EDN3: variants seen among roughly 807,000 people sequenced by gnomAD.
EDN3 encodes endothelin-3.
In EDN3, 9 loss-of-function variants were observed where a neutral mutation model predicts 21.4. That is an observed-to-expected ratio of 0.42 (90% CI 0.25 to 0.73). EDN3 has a LOEUF of 0.73. Among genes scored for constraint, EDN3 ranks in the 30% least tolerant of loss-of-function variants. The pLI is 0.26. For missense variants in EDN3, 327 were observed against 309.4 expected, an observed-to-expected ratio of 1.06 and a Z score of -0.43; for synonymous variants, 133 against 126.2, an observed-to-expected ratio of 1.05 and a Z score of -0.36.
chr20:59,309,984 C>T (rs1301789925), intron 2 of EDN3, among the ~76,000 whole-genome samples: 1 of 152,004 alleles, frequency 6.6e-6, no homozygotes, highest in Admixed American at 6.6e-5. Context: ...CCTGTGTGAC[C>T]CCGAGGGAGA....
chr20:59,301,757 C>T, intron 2 of EDN3, 35 bp downstream of exon 2: 2 of 1,608,370 alleles, frequency 1.2e-6, no homozygotes, highest in Non-Finnish European at 1.7e-6. Context: ...AACGTGGCTC[C>T]CGGACCAGGC....
chr20:59,323,832 T>C (rs1451319160), intron 4 of EDN3: 1 of 462,502 alleles, frequency 2.2e-6, no homozygotes, highest in Non-Finnish European at 3.8e-6. Context: ...TGGTGATTAT[T>C]ACTGTTCTAT....
At chr20:59,304,649 A>G (rs1264090023) in intron 2 of EDN3, among the ~76,000 whole-genome samples, 1 of 152,102 alleles carries the variant, frequency 6.6e-6, no homozygotes, top group Non-Finnish European at 1.5e-5. Flanking sequence ...CGAGGATCTG[A>G]GATGCTGCAG....
Position 59,301,451 on chromosome 20 carries a change from GGCGTGTCC to G in EDN3, c.95_102del (p.Gly32AlafsTer9). On this transcript the variant is annotated frameshift_variant, in exon 2 of 5. Coordinates refer to ENST00000337938, the MANE Select transcript of EDN3 (RefSeq NM_207034.3). LOFTEE classifies it high-confidence loss of function. ...CCAGTCTGGGGATGCTGGCAGGCGC[GGCGTGTCC>G]CAGGCCCCCACTGCAGCCAGATCTG... is the stretch of plus-strand genomic sequence containing the variant. The G allele has an allele frequency of 3.1e-6, 5 of 1,613,202 alleles. No individual in the cohort carries two copies. The highest frequency in any genetic ancestry group is 1.7e-6 in the Non-Finnish European group (2 of 1,180,014).
Position 59,325,411 on chromosome 20 carries a change from C to T in EDN3, c.*952C>T, listed in dbSNP as rs1160519547. ...CAAAATCTCTTTCAGCTGCGCTCTTCCCACCGAGCCGAGCTTACTGTGAGT... is the reference window on the plus strand; with the variant it reads ...CAAAATCTCTTTCAGCTGCGCTCTTTCCACCGAGCCGAGCTTACTGTGAGT... On this transcript the variant is annotated 3_prime_UTR_variant, in exon 5 of 5. Coordinates refer to ENST00000337938, the MANE Select transcript of EDN3 (RefSeq NM_207034.3). The T allele has an allele frequency of 1.3e-5, 2 of 152,394 alleles. No homozygotes were observed. The highest frequency in any genetic ancestry group is 6.5e-5 in the Admixed American group (1 of 15,280). The allele number at this position is 152,394 out of a possible 1,614,324, so 9.4% of individuals were successfully genotyped here.
At chr20:59,311,846 C>T (rs1033580067) in intron 2 of EDN3, among the ~76,000 whole-genome samples, 2 of 152,106 alleles carry the variant, frequency 1.3e-5, no homozygotes, top group East Asian at 1.9e-4. Context: ...ACCAAAAGGG[C>T]ATTACACAAG....
chr20:59,311,858 A>G (rs185095444), intron 2 of EDN3, among the ~76,000 whole-genome samples: 1 of 152,282 alleles, frequency 6.6e-6, no homozygotes, highest in African/African-American at 2.4e-5. Context: ...TTACACAAGG[A>G]CACAGACAAT....
intron 2 of EDN3, among the ~76,000 whole-genome samples, chr20:59,316,676 G>T (rs1210689621): frequency 2.4e-4 from 37 of 152,238 alleles, no homozygotes; most frequent in Admixed American, 2.4e-3. Flanking sequence ...GATGAAGAAT[G>T]AATATGAGAG....
At chr20:59,309,087 C>T (rs1989626508) in intron 2 of EDN3, among the ~76,000 whole-genome samples, 1 of 152,204 alleles carries the variant, frequency 6.6e-6, no homozygotes. Flanking sequence ...TCCAGCCCCT[C>T]CTTTCTGCTT....
At position 59,324,331 on chromosome 20, in the gene EDN3, G is replaced by T; in HGVS notation, c.589G>T (p.Val197Phe). 6.2e-7 allele frequency: 1 copy of T among 1,613,992 alleles called. No individual in the cohort carries two copies. The highest frequency in any genetic ancestry group is 2.2e-5 in the East Asian group (1 of 44,872). The change falls in exon 5 of 5, where the codon GTT becomes TTT. Residue 197 changes from valine (V) to phenylalanine (F), a missense_variant and splice_region_variant. Physicochemically the swap from Val to Phe is conservative, Grantham distance 50 (BLOSUM62 -1). Coordinates refer to ENST00000337938, the MANE Select transcript of EDN3 (RefSeq NM_207034.3). ...CTTTTGCCCCCTTTCCCCAAGACAG[G>T]TTGAAGTCAAGGACCAACAAAGCAA... is the stretch of plus-strand genomic sequence containing the variant. ...EKTDKEEEGK[V>F]EVKDQQSKQA...
At chr20:59,302,106 A>G (rs1421062330) in intron 2 of EDN3, among the ~76,000 whole-genome samples, 2 of 152,140 alleles carry the variant, frequency 1.3e-5, no homozygotes, top group African/African-American at 4.8e-5. Context: ...GCTCATACTC[A>G]CTGTTGACCC....
At position 59,321,105 on chromosome 20, in the gene EDN3, T is replaced by C. The variant is rs1480506830; in HGVS notation, c.454T>C (p.Ser152Pro). 10 of 1,614,196 alleles carry C rather than the reference T, an allele frequency of 6.2e-6. No homozygotes were observed. The highest frequency in any genetic ancestry group is 8.5e-6 in the Non-Finnish European group (10 of 1,180,034). ...GCCACTTCCAGGGAATCTGCAGCTC[T>C]CACATCGGCCACACTTGCGCTGCGC... ...AGPLPGNLQL[S>P]HRPHLRCACV... Residue 152 changes from serine (S) to proline (P), a missense_variant, in exon 3 of 5, where the codon TCA becomes CCA. Coordinates refer to ENST00000337938, the MANE Select transcript of EDN3 (RefSeq NM_207034.3).
In EDN3 at chr20:59,301,584, C is replaced by T. The variant is rs1437757345; in HGVS notation, c.227C>T (p.Pro76Leu). 1 of 1,613,966 alleles carries T rather than the reference C, an allele frequency of 6.2e-7. No individual in the cohort carries two copies. Among genetic ancestry groups the T allele is most frequent in the South Asian group, 1.1e-5 (1 of 91,082 alleles). ...VAPTALQGPS[P>L]GSPGQEQAAE... The stretch of plus-strand genomic sequence containing the variant: ...CCGACAGCACTGCAGGGTCCAAGCC[C>T]TGGAAGCCCTGGGCAGGAGCAGGCG... The change falls in exon 2 of 5, where the codon CCT becomes CTT. Residue 76 changes from proline to leucine, a missense_variant. Transcript: ENST00000337938.
intron 2 of EDN3, among the ~76,000 whole-genome samples, chr20:59,318,692 C>CT (rs1423267153): frequency 6.6e-6 from 1 of 152,248 alleles, no homozygotes; most frequent in Non-Finnish European, 1.5e-5. Context: ...CACACCAGCA[C>CT]TTTACCGCGC....
At chr20:59,319,935 G>C (rs11570332) in intron 2 of EDN3, among the ~76,000 whole-genome samples, 2,769 of 152,270 alleles carry the variant, frequency 0.018, 94 homozygotes, top group African/African-American at 0.064. Flanking sequence ...CTAGCTATTA[G>C]TAATTTGTTC....
chr20:59,309,072 G>A (rs1173766983), intron 2 of EDN3, among the ~76,000 whole-genome samples: 3 of 152,186 alleles, frequency 2.0e-5, no homozygotes, highest in East Asian at 1.9e-4. Context: ...ATTCAGTCCC[G>A]CCCTTCCAGC....
chr20:59,308,466 G>A (rs76372497), intron 2 of EDN3, among the ~76,000 whole-genome samples: 1,598 of 152,304 alleles, frequency 0.01, 24 homozygotes, highest in African/African-American at 0.036. Flanking sequence ...AAATTGTCAC[G>A]TGGAGGAGGA....
rs187943206 is a variant in EDN3, at chr20:59,301,749, C to T, written c.365+27C>T. On this transcript the variant is annotated intron_variant, in intron 2 of 4. Coordinates refer to ENST00000337938, the MANE Select transcript of EDN3 (RefSeq NM_207034.3). The stretch of plus-strand genomic sequence containing the variant: ...TAAGTCAGCCTTTTGTGGTGAGGAA[C>T]GTGGCTCCCGGACCAGGCCCACATC... 670 of 1,612,544 alleles carry T rather than the reference C, an allele frequency of 4.2e-4. 4 individuals are homozygous for T. Among genetic ancestry groups the T allele is most frequent in the Middle Eastern group, 3.5e-3 (21 of 6,058 alleles).
At chr20:59,306,716 GGC>G (rs1367472453) in intron 2 of EDN3, among the ~76,000 whole-genome samples, 209 of 151,658 alleles carry the variant, frequency 1.4e-3, no homozygotes, top group African/African-American at 4.9e-3. Flanking sequence ...CTTCAAGAAA[GGC>G]ATCTTGGCAT....
Sources: gnomAD v4.1 joint callset for allele counts (sites outside exome capture counted in the v4.1 genomes callset) on GRCh38, gnomAD v4.1.1 for gene constraint, MANE v1.5 for transcripts, NCBI Gene and HGNC (gene_info 2026-07-23, HGNC 2026-07-21) for gene names.